EEFSEC: variants seen among roughly 807,000 people sequenced by gnomAD.
EEFSEC encodes the protein selenocysteine-specific elongation factor.
Under a neutral mutation model 42.1 loss-of-function variants are expected in EEFSEC, and 43 were observed. The ratio of observed to expected loss-of-function variants is 1.02; its 90% CI spans 0.80 to 1.32. The LOEUF (loss-of-function observed/expected upper bound fraction) is 1.32. EEFSEC is among the 40% of genes most tolerant of loss of function. The pLI is 0.00. For synonymous variants in EEFSEC, 354 were observed against 339.1 expected, an observed-to-expected ratio of 1.04 and a Z score of -0.48; for missense variants, 745 against 803.6, an observed-to-expected ratio of 0.93 and a Z score of 0.88.
At chr3:128,399,738 C>T (rs1349175294) in intron 6 of EEFSEC, among the ~76,000 whole-genome samples, 3 of 151,846 alleles carry the variant, frequency 2.0e-5, no homozygotes, top group Admixed American at 6.6e-5. Context: ...TCAGGGAGCG[C>T]TCACACTGGC....
At chr3:128,264,564 G>A in intron 3 of EEFSEC, 53 bp from the exon 4 acceptor site, 10 of 1,588,396 alleles carry the variant, frequency 6.3e-6, no homozygotes, top group South Asian at 1.1e-5. Context: ...CCTCTGCCCT[G>A]CCCCATCTGG....
Position 128,341,926 on chromosome 3 carries a change from T to G in EEFSEC, c.1443+37T>G, listed in dbSNP as rs753877651. On this transcript the variant is annotated intron_variant, in intron 5 of 6. Transcript: ENST00000254730. ...CTTGCCTGGCCCCACACCCCTTCCCTTCTTGCTCGGGCAGCTGGGATCCAT... is the reference window on the plus strand; with the variant it reads ...CTTGCCTGGCCCCACACCCCTTCCCGTCTTGCTCGGGCAGCTGGGATCCAT... The G allele has an allele frequency of 5.0e-6, 8 of 1,587,242 alleles. No individual in the cohort carries two copies. In the Admixed American group the frequency reaches 6.9e-5, roughly 14 times the overall value.
intron 4 of EEFSEC, among the ~76,000 whole-genome samples, chr3:128,285,239 G>A (rs941845285): frequency 5.9e-5 from 9 of 152,142 alleles, no homozygotes; most frequent in African/African-American, 1.9e-4. Context: ...TGATGGTGCT[G>A]TGGATGCAGA....
chr3:128,185,463 G>A (rs1390921025), intron 1 of EEFSEC, among the ~76,000 whole-genome samples: 1 of 151,364 alleles, frequency 6.6e-6, no homozygotes, highest in Admixed American at 6.6e-5. Flanking sequence ...TTTTGAGACA[G>A]AGTTTCACTC....
At chr3:128,168,361 G>A (rs1174789057) in intron 1 of EEFSEC, among the ~76,000 whole-genome samples, 1 of 152,178 alleles carries the variant, frequency 6.6e-6, no homozygotes, top group African/African-American at 2.4e-5. Flanking sequence ...AGTTCCTCCT[G>A]AATGTAAAAT....
intron 4 of EEFSEC, among the ~76,000 whole-genome samples, chr3:128,294,351 C>G (rs905366132): frequency 3.3e-5 from 5 of 152,150 alleles, no homozygotes; most frequent in South Asian, 2.1e-4. Context: ...CCTGCCTCTT[C>G]CTGAAAGTTT....
At chr3:128,391,780 G>A (rs1368322011) in intron 6 of EEFSEC, among the ~76,000 whole-genome samples, 3 of 152,244 alleles carry the variant, frequency 2.0e-5, no homozygotes, top group African/African-American at 4.8e-5. Context: ...GCCCACTCAG[G>A]CAGTCCTCAG....
At chr3:128,347,864 A>G (rs1435252199) in intron 5 of EEFSEC, among the ~76,000 whole-genome samples, 2 of 152,236 alleles carry the variant, frequency 1.3e-5, no homozygotes, top group Admixed American at 6.5e-5. Flanking sequence ...ATATTTTAAA[A>G]TCAGGCCTAC....
intron 6 of EEFSEC, among the ~76,000 whole-genome samples, chr3:128,393,385 G>A (rs936857079): frequency 2.0e-5 from 3 of 152,218 alleles, no homozygotes; most frequent in Non-Finnish European, 4.4e-5. Flanking sequence ...TGGGAGTCCT[G>A]GCGTTCACGC....
At chr3:128,315,039 C>T (rs1443718096) in intron 4 of EEFSEC, among the ~76,000 whole-genome samples, 1 of 152,198 alleles carries the variant, frequency 6.6e-6, no homozygotes, top group Non-Finnish European at 1.5e-5. Context: ...AACACACACA[C>T]AGGAGCCCAC....
intron 4 of EEFSEC, among the ~76,000 whole-genome samples, chr3:128,287,157 G>T (rs1342728993): frequency 1.3e-5 from 2 of 152,252 alleles, no homozygotes; most frequent in Non-Finnish European, 1.5e-5. Flanking sequence ...AGATTATTTG[G>T]AAGAGTGAAC....
At chr3:128,170,536 T>C (rs1040796665) in intron 1 of EEFSEC, among the ~76,000 whole-genome samples, 12 of 151,492 alleles carry the variant, frequency 7.9e-5, no homozygotes, top group African/African-American at 2.9e-4. Context: ...ACCAGTTTGG[T>C]CTTCTGGTGA....
chr3:128,326,071 G>A (rs960522061), intron 4 of EEFSEC, among the ~76,000 whole-genome samples: 8 of 152,190 alleles, frequency 5.3e-5, no homozygotes, highest in Non-Finnish European at 7.3e-5. Flanking sequence ...GTGTGGTGCT[G>A]GGGGAGCATC....
chr3:128,341,365 G>A lies in EEFSEC; in HGVS notation c.919G>A (p.Glu307Lys), dbSNP rs199722086. The A allele has an allele frequency of 7.9e-5, 127 of 1,613,980 alleles. 2 individuals carry two copies. In the Middle Eastern group the frequency reaches 6.7e-3, roughly 86 times the overall value. The stretch of plus-strand genomic sequence containing the variant: ...GGAGCGCGGGTTGGTGTGTGCCCCC[G>A]AGTCCCTGCACACTGTCCATGCGGC... ...LLERGLVCAP[E>K]SLHTVHAALI... Residue 307 changes from glutamate (E) to lysine (K), a missense_variant, in exon 5 of 7, where the codon GAG becomes AAG. Physicochemically the swap from Glu to Lys is moderately conservative, Grantham distance 56. Transcript: ENST00000254730.
chr3:128,232,950 A>G (rs2065973714), intron 1 of EEFSEC, among the ~76,000 whole-genome samples: 2 of 152,180 alleles, frequency 1.3e-5, no homozygotes, highest in East Asian at 1.9e-4. Flanking sequence ...GTCTTCCTGT[A>G]TGAGGCTGAC....
chr3:128,287,358 G>A (rs2066596836), intron 4 of EEFSEC, among the ~76,000 whole-genome samples: 1 of 152,130 alleles, frequency 6.6e-6, no homozygotes, highest in Admixed American at 6.5e-5. Context: ...GGAATCTGGG[G>A]GCCCTGGGAA....
intron 6 of EEFSEC, among the ~76,000 whole-genome samples, chr3:128,379,887 C>T (rs574396208): frequency 1.3e-5 from 2 of 152,374 alleles, no homozygotes; most frequent in South Asian, 4.1e-4. Flanking sequence ...GATGAATGCC[C>T]AGGGACTCCC....
intron 6 of EEFSEC, among the ~76,000 whole-genome samples, chr3:128,369,277 G>A (rs1296864433): frequency 1.3e-5 from 2 of 152,258 alleles, no homozygotes; most frequent in Admixed American, 6.5e-5. Flanking sequence ...GAGCCCTGAG[G>A]TTGTGGATAT....
At chr3:128,197,531 C>G (rs1165909328) in intron 1 of EEFSEC, among the ~76,000 whole-genome samples, 1 of 152,178 alleles carries the variant, frequency 6.6e-6, no homozygotes, top group Non-Finnish European at 1.5e-5. Context: ...TCTTGGCCAC[C>G]TAAAGTGCTA....
Sources: allele counts gnomAD v4.1 joint callset (sites outside exome capture counted in the v4.1 genomes callset), GRCh38; gene constraint gnomAD v4.1.1; transcripts MANE v1.5; gene names NCBI Gene and HGNC (gene_info 2026-07-23, HGNC 2026-07-21).